The following GALNT14 variants were observed in gnomAD, a reference collection of about 807,000 sequenced individuals.
GALNT14 encodes polypeptide N-acetylgalactosaminyltransferase 14.
Under a neutral mutation model 77.5 loss-of-function variants are expected in GALNT14, and 60 were observed. That is an observed-to-expected ratio of 0.77 (90% CI 0.63 to 0.96). The LOEUF (loss-of-function observed/expected upper bound fraction) is 0.96, where lower values mean the gene tolerates loss of function less well. Ranked by LOEUF, GALNT14 falls within the 40% of genes least tolerant of loss-of-function variation. The pLI, the probability that GALNT14 is intolerant of heterozygous loss-of-function variation, is 0.00. For missense variants in GALNT14, 710 were observed against 731.0 expected, an observed-to-expected ratio of 0.97 and a Z score of 0.33; for synonymous variants, 280 against 281.7, an observed-to-expected ratio of 0.99 and a Z score of 0.06.
At chr2:31,060,608 G>T (rs368333091) in intron 1 of GALNT14, among the ~76,000 whole-genome samples, 2 of 152,172 alleles carry the variant, frequency 1.3e-5, no homozygotes, top group Non-Finnish European at 2.9e-5. Context: ...ACTGTGCCCC[G>T]CCAGTCTAGC....
the GALNT14 span, among the ~76,000 whole-genome samples, chr2:30,893,446 T>C: frequency 4.6e-5 from 7 of 152,364 alleles, no homozygotes; most frequent in African/African-American, 1.7e-4. Flanking sequence ...AGGAGGTTTA[T>C]TGTAATTCAC....
intron 13 of GALNT14, among the ~76,000 whole-genome samples, chr2:30,921,777 G>T (rs1665044906): frequency 6.7e-6 from 1 of 149,216 alleles, no homozygotes; most frequent in South Asian, 2.1e-4. Context: ...TCCCTCAGGG[G>T]GCATTTGGTC....
At chr2:30,967,898 T>C (rs1447083730) in intron 2 of GALNT14, among the ~76,000 whole-genome samples, 1 of 152,206 alleles carries the variant, frequency 6.6e-6, no homozygotes, top group African/African-American at 2.4e-5. Flanking sequence ...TATGCTGCCA[T>C]GACTCTCCAC....
chr2:30,963,989 A>G (rs1315436504), intron 3 of GALNT14, among the ~76,000 whole-genome samples: 1 of 152,222 alleles, frequency 6.6e-6, no homozygotes, highest in Non-Finnish European at 1.5e-5. Context: ...AGCTCACTGA[A>G]GGTTACATGC....
chr2:30,937,148 G>A (rs1666104545), intron 9 of GALNT14, among the ~76,000 whole-genome samples: 1 of 152,178 alleles, frequency 6.6e-6, no homozygotes, highest in Admixed American at 6.5e-5. Context: ...TCATGGAAAG[G>A]GTGAGGCTGA....
At position 31,099,949 on chromosome 2, in the gene GALNT14, T is replaced by G. The variant is rs1459844313; in HGVS notation, c.129+38009A>C. ...ATACTTTTATTTAGATTGTGTTTGA[T>G]TTATAAATTAACTTAAATAGAATGA... On this transcript the variant is annotated intron_variant, in intron 1 of 14. Coordinates refer to ENST00000349752, the MANE Select transcript of GALNT14 (RefSeq NM_024572.4). Among the ~76,000 whole-genome samples the G allele has an allele frequency of 2.6e-5, 4 of 152,206 alleles. No homozygotes were observed. The South Asian group carries it at 8.3e-4, about 31-fold the overall frequency.
chr2:31,066,304 G>A (rs7592995), intron 1 of GALNT14, among the ~76,000 whole-genome samples: 24,682 of 151,882 alleles, frequency 0.16, 2,856 homozygotes, highest in African/African-American at 0.32. Context: ...CCCAGCTGTA[G>A]AGCACCCAGG....
chr2:30,925,470 G>A (rs1665316363), intron 11 of GALNT14, among the ~76,000 whole-genome samples: 1 of 152,200 alleles, frequency 6.6e-6, no homozygotes, highest in Non-Finnish European at 1.5e-5. Context: ...GGTCCATGGT[G>A]GTCAAGGTAG....
chr2:31,052,068 G>A (rs1013498472), intron 1 of GALNT14, among the ~76,000 whole-genome samples: 2 of 152,140 alleles, frequency 1.3e-5, no homozygotes, highest in African/African-American at 4.8e-5. Flanking sequence ...TGAGCTACCC[G>A]ATGGCGCTCC....
chr2:30,976,953 T>G (rs1668667788), intron 2 of GALNT14, among the ~76,000 whole-genome samples: 1 of 152,104 alleles, frequency 6.6e-6, no homozygotes. Context: ...AATGAGTGAG[T>G]GGTGGGGCCT....
At chr2:31,078,915 A>G in intron 1 of GALNT14, 1 of 1,289,212 alleles carries the variant, frequency 7.8e-7, no homozygotes, top group Non-Finnish European at 1.0e-6. Flanking sequence ...AAAGGACTAC[A>G]AATTCAGTTC....
Position 30,932,157 on chromosome 2 carries a change from T to G in GALNT14, c.969A>C (p.Leu323=). Residue 323 remains leucine (L), a synonymous_variant, in exon 10 of 15, where the codon CTA becomes CTC. Transcript: ENST00000349752. The stretch of plus-strand genomic sequence containing the variant: ...CCACTCGGCTGCAGGGGACGATCTC[T>G]AGGCTGCCCCCGCACATCCACACTC... ...SFRVWMCGGS[L]EIVPCSRVGH... is the part of the protein sequence containing the mutation. 6.4e-7 allele frequency: 1 copy of G among 1,557,744 alleles called. No homozygotes were observed. The highest frequency in any genetic ancestry group is 1.2e-5 in the South Asian group (1 of 83,220).
intron 1 of GALNT14, among the ~76,000 whole-genome samples, chr2:31,123,035 A>G (rs1358794820): frequency 1.3e-5 from 2 of 152,044 alleles, no homozygotes; most frequent in Non-Finnish European, 2.9e-5. Context: ...ACAAAAAATT[A>G]GCCGGGCGGG....
At chr2:30,900,101 G>T in the GALNT14 span, among the ~76,000 whole-genome samples, 1 of 152,142 alleles carries the variant, frequency 6.6e-6, no homozygotes, top group Non-Finnish European at 1.5e-5. Flanking sequence ...ATGGTGGACC[G>T]CAGGTACAAG....
intron 1 of GALNT14, among the ~76,000 whole-genome samples, chr2:31,117,039 GA>G (rs577794814): frequency 6.8e-6 from 1 of 147,184 alleles, no homozygotes; most frequent in African/African-American, 2.5e-5. Flanking sequence ...CTCTATCTCA[GA>G]AAAAAAAAAT....
chr2:31,106,830 T>C (rs1677582153), intron 1 of GALNT14, among the ~76,000 whole-genome samples: 1 of 152,214 alleles, frequency 6.6e-6, no homozygotes, highest in Admixed American at 6.5e-5. Flanking sequence ...TTATTACTTA[T>C]TGTTGTATGA....
At chr2:30,983,380 T>C (rs1573089822) in intron 2 of GALNT14, among the ~76,000 whole-genome samples, 1 of 152,358 alleles carries the variant, frequency 6.6e-6, no homozygotes, top group East Asian at 1.9e-4. Flanking sequence ...ATTTGTTGAA[T>C]GAATTATTCC....
chr2:30,901,343 C>G, the GALNT14 span, among the ~76,000 whole-genome samples: 3 of 152,092 alleles, frequency 2.0e-5, no homozygotes, highest in African/African-American at 7.2e-5. Flanking sequence ...TCAGTTTTAC[C>G]TAAAAAATCC....
At chr2:31,006,352 A>G (rs959247997) in intron 1 of GALNT14, among the ~76,000 whole-genome samples, 2 of 152,158 alleles carry the variant, frequency 1.3e-5, no homozygotes, top group African/African-American at 4.8e-5. Flanking sequence ...AACTACTGCA[A>G]CTAATAGTGG....
Sources: gnomAD v4.1 joint callset for allele counts (sites outside exome capture counted in the v4.1 genomes callset) on GRCh38, gnomAD v4.1.1 for gene constraint, MANE v1.5 for transcripts, NCBI Gene and HGNC (gene_info 2026-07-23, HGNC 2026-07-21) for gene names.